PTPRT: variants seen among roughly 807,000 people sequenced by gnomAD.
The protein encoded by PTPRT is protein tyrosine phosphatase receptor type T, also known as receptor-type tyrosine-protein phosphatase T.
In PTPRT, 56 loss-of-function variants were observed where a neutral mutation model predicts 176.8. That is an observed-to-expected ratio of 0.32 (90% CI 0.26 to 0.40). PTPRT has a LOEUF of 0.40. Among genes scored for constraint, PTPRT ranks in the 10% least tolerant of loss-of-function variants. PTPRT has a pLI of 1.00. For missense variants in PTPRT, 1,540 were observed against 1,908.2 expected (o/e 0.81, Z 3.60); for synonymous variants, 783 against 739.0 (o/e 1.06, Z -0.96).
intron 1 of PTPRT, among the ~76,000 whole-genome samples, chr20:43,017,792 G>C (rs539953093): frequency 6.6e-6 from 1 of 152,354 alleles, no homozygotes; most frequent in East Asian, 1.9e-4. Context: ...AGAGGTAGAG[G>C]AGGAGGCAGC....
intron 1 of PTPRT, among the ~76,000 whole-genome samples, chr20:42,993,225 T>TA (rs1984021612): frequency 6.6e-6 from 1 of 151,738 alleles, no homozygotes; most frequent in African/African-American, 2.4e-5. Flanking sequence ...GAGACCAGCC[T>TA]GGCTAACATG....
chr20:42,139,998 G>C (rs974639424), intron 18 of PTPRT, among the ~76,000 whole-genome samples: 1 of 152,258 alleles, frequency 6.6e-6, no homozygotes, highest in African/African-American at 2.4e-5. Context: ...TCTTCCAAGA[G>C]AGAAATTATA....
At chr20:42,186,693 T>C (rs920066559) in intron 16 of PTPRT, among the ~76,000 whole-genome samples, 1 of 152,040 alleles carries the variant, frequency 6.6e-6, no homozygotes, top group African/African-American at 2.4e-5. Flanking sequence ...ACAACGTGTT[T>C]AGATTTGCCT....
At chr20:43,012,262 C>A (rs1023381374) in intron 1 of PTPRT, among the ~76,000 whole-genome samples, 2 of 152,154 alleles carry the variant, frequency 1.3e-5, no homozygotes, top group African/African-American at 4.8e-5. Flanking sequence ...CAACAAAATT[C>A]TCACACATGC....
chr20:42,614,444 C>T (rs1355401810), intron 7 of PTPRT, among the ~76,000 whole-genome samples: 1 of 152,142 alleles, frequency 6.6e-6, no homozygotes, highest in Non-Finnish European at 1.5e-5. Flanking sequence ...TGAACCTATG[C>T]CCCAATCAGG....
At chr20:42,715,492 TA>T (rs1260763656) in intron 6 of PTPRT, among the ~76,000 whole-genome samples, 2 of 152,104 alleles carry the variant, frequency 1.3e-5, no homozygotes, top group Non-Finnish European at 2.9e-5. Flanking sequence ...ATCTGATGAC[TA>T]AAAACTACCA....
chr20:42,863,626 T>G (rs918486182), intron 2 of PTPRT, among the ~76,000 whole-genome samples: 1 of 152,164 alleles, frequency 6.6e-6, no homozygotes, highest in Non-Finnish European at 1.5e-5. Context: ...AAGATTAAAG[T>G]AGTGGACATG....
At chr20:42,290,429 C>T (rs1446271592) in intron 12 of PTPRT, among the ~76,000 whole-genome samples, 1 of 151,998 alleles carries the variant, frequency 6.6e-6, no homozygotes, top group Admixed American at 6.6e-5. Context: ...TATTGGGTAA[C>T]TCTCTGTCCC....
At chr20:42,884,445 C>T (rs2079071949) in intron 2 of PTPRT, among the ~76,000 whole-genome samples, 1 of 152,170 alleles carries the variant, frequency 6.6e-6, no homozygotes, top group Admixed American at 6.5e-5. Context: ...ATCTTCTTTG[C>T]TCCCACTTTA....
chr20:42,130,983 T>C (rs141659902), intron 18 of PTPRT, among the ~76,000 whole-genome samples: 6 of 152,324 alleles, frequency 3.9e-5, no homozygotes, highest in Non-Finnish European at 8.8e-5. Flanking sequence ...TCTTCCCATT[T>C]TACAGATGAA....
At chr20:42,628,319 C>T (rs1353264234) in intron 7 of PTPRT, among the ~76,000 whole-genome samples, 1 of 151,994 alleles carries the variant, frequency 6.6e-6, no homozygotes, top group Non-Finnish European at 1.5e-5. Flanking sequence ...TTTTGTGATG[C>T]CACAAGTCTC....
At chr20:42,254,014 T>C (rs2056593846) in intron 13 of PTPRT, among the ~76,000 whole-genome samples, 1 of 152,190 alleles carries the variant, frequency 6.6e-6, no homozygotes, top group African/African-American at 2.4e-5. Context: ...GCACAAGGCA[T>C]GGCCCTTGGT....
chr20:42,417,604 TA>T lies in PTPRT; in HGVS notation c.1560+30615del, dbSNP rs918100621. 2.0e-4 allele frequency among the ~76,000 whole-genome samples: 29 copies of T among 147,744 alleles called. No homozygotes were observed. In the South Asian group the frequency reaches 2.8e-3, roughly 14 times the overall value. ...TAACAGTTAGAGAAAAATAATGAAA[TA>T]AAAAAAAATGGACAAGCTAATATCT... On this transcript the variant is annotated intron_variant, in intron 9 of 30. Transcript: ENST00000373187.
intron 2 of PTPRT, among the ~76,000 whole-genome samples, chr20:42,831,189 C>A (rs183716297): frequency 6.6e-6 from 1 of 152,164 alleles, no homozygotes; most frequent in Admixed American, 6.5e-5. Flanking sequence ...ATCTATAGAC[C>A]AATGAAACGT....
chr20:43,188,754 G>GGA (rs1555845654), intron 1 of PTPRT, among the ~76,000 whole-genome samples: 3 of 150,398 alleles, frequency 2.0e-5, no homozygotes, highest in South Asian at 4.4e-4. Context: ...ACTCTTGGGG[G>GGA]GGGGGGGGCT....
intron 6 of PTPRT, among the ~76,000 whole-genome samples, chr20:42,700,665 T>C (rs1432866523): frequency 1.3e-5 from 2 of 152,204 alleles, no homozygotes; most frequent in African/African-American, 4.8e-5. Context: ...GTCAGAGCCC[T>C]GGGCTGGGAG....
At chr20:42,653,627 C>T (rs553479796) in intron 7 of PTPRT, among the ~76,000 whole-genome samples, 2 of 152,316 alleles carry the variant, frequency 1.3e-5, no homozygotes, top group Non-Finnish European at 1.5e-5. Context: ...TAAGATACAC[C>T]TGCATTCTAC....
At chr20:42,990,891 A>G (rs1203067009) in intron 1 of PTPRT, among the ~76,000 whole-genome samples, 1 of 152,232 alleles carries the variant, frequency 6.6e-6, no homozygotes. Context: ...CATAACTGAA[A>G]ACATTCTTAT....
At chr20:42,520,282 T>G (rs931413861) in intron 7 of PTPRT, among the ~76,000 whole-genome samples, 1 of 152,098 alleles carries the variant, frequency 6.6e-6, no homozygotes, top group African/African-American at 2.4e-5. Flanking sequence ...TAATGAATAT[T>G]TATGAAGCAA....
Sources: allele counts gnomAD v4.1 joint callset (sites outside exome capture counted in the v4.1 genomes callset), GRCh38; gene constraint gnomAD v4.1.1; transcripts MANE v1.5; gene names NCBI Gene and HGNC (gene_info 2026-07-23, HGNC 2026-07-21).